ABCA3: variants seen among roughly 807,000 people sequenced by gnomAD.
The protein encoded by ABCA3 is ATP binding cassette subfamily A member 3, also known as phospholipid-transporting ATPase ABCA3.
A neutral mutation model predicts 172.8 loss-of-function variants in ABCA3; 88 were observed. The observed-to-expected ratio is 0.51, with a 90% CI of 0.43 to 0.61. The LOEUF is 0.61. Ranked by LOEUF, ABCA3 falls within the 20% of genes least tolerant of loss-of-function variation. ABCA3 has a pLI of 0.00. For missense variants in ABCA3, 2,164 were observed against 2,301.0 expected (o/e 0.94, Z 1.22); for synonymous variants, 1,066 against 983.8 (o/e 1.08, Z -1.56).
intron 11 of ABCA3, among the ~76,000 whole-genome samples, chr16:2,306,959 G>A (rs894723609): frequency 6.8e-6 from 1 of 147,448 alleles, no homozygotes; most frequent in African/African-American, 2.5e-5. Flanking sequence ...AGCTTGCAGT[G>A]AGCCGAGATT....
At chr16:2,292,087 C>T (rs1260263112) in intron 19 of ABCA3, 53 bp downstream of exon 19, 1 of 1,435,238 alleles carries the variant, frequency 7.0e-7, no homozygotes, top group Non-Finnish European at 9.8e-7. Flanking sequence ...AAAAAAAAGT[C>T]CTCTGCAGCA....
At chr16:2,305,972 T>C (rs1447262853) in intron 11 of ABCA3, among the ~76,000 whole-genome samples, 1 of 152,222 alleles carries the variant, frequency 6.6e-6, no homozygotes, top group Non-Finnish European at 1.5e-5. Context: ...ACACCCTCTG[T>C]TTGGCCGAGG....
intron 1 of ABCA3, among the ~76,000 whole-genome samples, chr16:2,336,893 T>C (rs1346569518): frequency 6.6e-6 from 1 of 151,942 alleles, no homozygotes; most frequent in Non-Finnish European, 1.5e-5. Flanking sequence ...TTAATCATGT[T>C]TATTTCACCT....
chr16:2,300,968 A>AC (rs2093688015), intron 12 of ABCA3, among the ~76,000 whole-genome samples: 1 of 150,100 alleles, frequency 6.7e-6, no homozygotes, highest in Non-Finnish European at 1.5e-5. Context: ...CGGTGGCTCG[A>AC]GCCTGTAATC....
rs369612616 is a variant in ABCA3 at position 2,289,189 on chromosome 16, G to C, written c.2700+245C>G. Reference sequence around the variant, plus strand: ...CTCATCAACACAGAGCTGGGCACCCGACAAGCTCCTGTTGAGCAGGGTGCT... The same window carrying C: ...CTCATCAACACAGAGCTGGGCACCCCACAAGCTCCTGTTGAGCAGGGTGCT... On this transcript the variant is annotated intron_variant, in intron 20 of 32. Coordinates refer to ENST00000301732, the MANE Select transcript of ABCA3 (RefSeq NM_001089.3). The C allele has an allele frequency of 2.6e-5, 15 of 572,586 alleles. 1 individual carries two copies. The highest frequency in any genetic ancestry group is 4.7e-4 in the Middle Eastern group (1 of 2,122). 35.5% of individuals were successfully genotyped at this position (572,586 alleles called of 1,614,324 possible). A position where few individuals can be genotyped will look rare whatever the true frequency, so the allele number is the denominator to read the frequency against.
At chr16:2,280,763 G>A (rs1459363111) in intron 28 of ABCA3, among the ~76,000 whole-genome samples, 1 of 152,220 alleles carries the variant, frequency 6.6e-6, no homozygotes, top group African/African-American at 2.4e-5. Flanking sequence ...CCTCTGCACA[G>A]AGGTGGCTGT....
rs556253061 is a variant in ABCA3, at chr16:2,279,742, A to ATT, written c.4360-614_4360-613dup. ...TCTTTGGGGTTCTCAAGCTTCCAGA[A>ATT]TTTTTTTTTTTTTTTTTGAGACAGA... On this transcript the variant is annotated intron_variant, in intron 28 of 32. Coordinates refer to ENST00000301732, the MANE Select transcript of ABCA3 (RefSeq NM_001089.3). This position sits in a 1 kb window ranked among gnomAD's most constrained non-coding sequence, Gnocchi z 4.4. Among the ~76,000 whole-genome samples, 19 of 140,100 alleles carry ATT rather than the reference A, an allele frequency of 1.4e-4. No homozygotes were observed. The highest frequency in any genetic ancestry group is 4.5e-4 in the South Asian group (2 of 4,398). 91.9% of individuals were successfully genotyped at this position (140,100 alleles called of 152,430 possible).
Position 2,323,551 on chromosome 16 carries a change from T to A in ABCA3, c.585A>T (p.Glu195Asp). Residue 195 changes from glutamate to aspartate, a missense_variant, in exon 7 of 33, where the codon GAA becomes GAT. Coordinates refer to ENST00000301732, the MANE Select transcript of ABCA3 (RefSeq NM_001089.3). Reference protein sequence around the residue: ...FPLFPNPGPREPTSPDGGEPG... With the variant: ...FPLFPNPGPRDPTSPDGGEPG... The stretch of plus-strand genomic sequence containing the variant: ...GTTCTCCGCCATCAGGGGATGTAGG[T>A]TCCCTTGGTCCTGGGTTTGGGAAAA... 1 of 1,614,048 alleles carries A rather than the reference T, an allele frequency of 6.2e-7. No individual in the cohort carries two copies. Among genetic ancestry groups the A allele is most frequent in the Non-Finnish European group, 8.5e-7 (1 of 1,179,990 alleles).
intron 10 of ABCA3, among the ~76,000 whole-genome samples, chr16:2,311,162 C>T (rs528859995): frequency 4.3e-4 from 65 of 151,848 alleles, no homozygotes; most frequent in African/African-American, 1.4e-3. Context: ...TTAGTAGAGA[C>T]GGGGTTTCAC....
rs2093745045 is a variant in ABCA3 at position 2,332,561 on chromosome 16, C to T, written c.-538-2707G>A. ...TCCACACGGACACGAATGTCCACACCAGCAAATCGCTCCTTGCTGAGAAGC... is the reference window on the plus strand; with the variant it reads ...TCCACACGGACACGAATGTCCACACTAGCAAATCGCTCCTTGCTGAGAAGC... On this transcript the variant is annotated intron_variant, in intron 1 of 32. Coordinates refer to ENST00000301732, the MANE Select transcript of ABCA3 (RefSeq NM_001089.3). 8 of 1,204,040 alleles carry T rather than the reference C, an allele frequency of 6.6e-6. No individual in the cohort carries two copies. The African/African-American group carries it at 1.2e-4, about 18-fold the overall frequency. 74.6% of individuals were successfully genotyped at this position (1,204,040 alleles called of 1,614,324 possible). A position where few individuals can be genotyped will look rare whatever the true frequency, so the allele number is the denominator to read the frequency against.
At chr16:2,304,897 G>C (rs1054113334) in intron 11 of ABCA3, among the ~76,000 whole-genome samples, 1 of 151,880 alleles carries the variant, frequency 6.6e-6, no homozygotes, top group African/African-American at 2.4e-5. Context: ...GGGTGGTCTC[G>C]ATCTCCTGAC....
In ABCA3 at chr16:2,278,277, C is replaced by G; in HGVS notation, c.4718+11G>C. On this transcript the variant is annotated intron_variant, in intron 30 of 32. Coordinates refer to ENST00000301732, the MANE Select transcript of ABCA3 (RefSeq NM_001089.3). The surrounding 1 kb of genome is among the most constrained non-coding windows in gnomAD (Gnocchi z 4.4). ...CTGAAACTTCCAGTAACCCACAGACCCAGGCTCTACCTGTGGGAGGTGATG... is the reference window on the plus strand; with the variant it reads ...CTGAAACTTCCAGTAACCCACAGACGCAGGCTCTACCTGTGGGAGGTGATG... 1 of 1,606,432 alleles carries G rather than the reference C, an allele frequency of 6.2e-7. No homozygotes were observed. Among genetic ancestry groups the G allele is most frequent in the Non-Finnish European group, 8.5e-7 (1 of 1,179,974 alleles).
intron 7 of ABCA3, among the ~76,000 whole-genome samples, 158 bp from the exon 8 acceptor site, chr16:2,319,998 G>A (rs1173670593): frequency 6.6e-6 from 1 of 152,112 alleles, no homozygotes; most frequent in Admixed American, 6.6e-5. Flanking sequence ...CACGGGAGAA[G>A]GAAGGAAACG....
intron 28 of ABCA3, among the ~76,000 whole-genome samples, chr16:2,280,499 G>A (rs1027500056): frequency 6.6e-6 from 1 of 152,124 alleles, no homozygotes; most frequent in African/African-American, 2.4e-5. Flanking sequence ...CACCCCTGGT[G>A]TGAGCTCAGG....
chr16:2,326,068 A>G lies in ABCA3; in HGVS notation c.261T>C (p.Ser87=). The change falls in exon 5 of 33, where the codon AGT becomes AGC. Residue 87 remains serine, a synonymous_variant. Coordinates refer to ENST00000301732, the MANE Select transcript of ABCA3 (RefSeq NM_001089.3). ...TWELAYIPSH[S]DAAKTVTETV... is the part of the protein sequence containing the mutation. ...TCTCAGTGACGGTCTTGGCAGCGTC[A>G]CTGTGAGAAGGGATGTAGGCAAGCT... The G allele has an allele frequency of 1.2e-6, 2 of 1,614,056 alleles. No homozygotes were observed. Among genetic ancestry groups the G allele is most frequent in the South Asian group, 2.2e-5 (2 of 91,078 alleles).
In ABCA3 at chr16:2,300,058, C is replaced by T. The variant is rs747792610; in HGVS notation, c.1558G>A (p.Glu520Lys). ...PEKALRNEYF[E>K]AEPEDLVAGI... The stretch of plus-strand genomic sequence containing the variant: ...GCCACCAGGTCCTCTGGCTCGGCTT[C>T]AAAGTACTCGTTTCTGAGTGCTTTC... Residue 520 changes from glutamate to lysine, a missense_variant, in exon 13 of 33, where the codon GAA becomes AAA. By Grantham distance (56) the Glu-to-Lys change is moderately conservative. This residue lies in a region of ABCA3 where 1,343 missense variants were observed against 1,369.6 expected (regional missense o/e 0.98). Transcript: ENST00000301732. 9.3e-6 allele frequency: 15 copies of T among 1,613,510 alleles called. No individual in the cohort carries two copies. Among genetic ancestry groups the T allele is most frequent in the Non-Finnish European group, 8.5e-7 (1 of 1,179,946 alleles).
chr16:2,322,988 G>C (rs2093728432), intron 7 of ABCA3, among the ~76,000 whole-genome samples: 1 of 152,066 alleles, frequency 6.6e-6, no homozygotes, highest in Non-Finnish European at 1.5e-5. Context: ...TCAAAAAGTG[G>C]GCAAAGGATA....
At chr16:2,306,587 C>T (rs1428719979) in intron 11 of ABCA3, among the ~76,000 whole-genome samples, 1 of 152,252 alleles carries the variant, frequency 6.6e-6, no homozygotes, top group East Asian at 1.9e-4. Flanking sequence ...GAGACTTGAC[C>T]CCCAATGCAG....
At position 2,281,517 on chromosome 16, in the gene ABCA3, A is replaced by C. The variant is rs2093655180; in HGVS notation, c.4036-8T>G. On this transcript the variant is annotated splice_polypyrimidine_tract_variant and splice_region_variant and intron_variant, in intron 26 of 32. Coordinates refer to ENST00000301732, the MANE Select transcript of ABCA3 (RefSeq NM_001089.3). This position sits in a 1 kb window ranked among gnomAD's most constrained non-coding sequence, Gnocchi z 4.7. ...CCGGGTGTATAATTCTGTCTGATTG[A>C]CCAGGACAAAGACCGCATGCGTGAA... 1 of 1,585,538 alleles carries C rather than the reference A, an allele frequency of 6.3e-7. No homozygotes were observed.
Sources: gnomAD v4.1 joint callset for allele counts (sites outside exome capture counted in the v4.1 genomes callset) on GRCh38, gnomAD v4.1.1 for gene constraint, gnomAD v4.1.1 regional missense constraint, Gnocchi (gnomAD v3.1) non-coding constraint, MANE v1.5 for transcripts, NCBI Gene and HGNC (gene_info 2026-07-23, HGNC 2026-07-21) for gene names.